FIG4: variants seen among roughly 807,000 people sequenced by gnomAD.
FIG4 encodes polyphosphoinositide phosphatase.
A neutral mutation model predicts 118.6 loss-of-function variants in FIG4; 112 were observed. That is an observed-to-expected ratio of 0.94 (90% CI 0.81 to 1.11). FIG4 has a LOEUF of 1.11. Among genes scored for constraint, FIG4 ranks in the 50% least tolerant of loss-of-function variants. FIG4 has a pLI of 0.00. For missense variants in FIG4, 969 were observed against 1,111.7 expected, an observed-to-expected ratio of 0.87 and a Z score of 1.83; for synonymous variants, 369 against 381.2, an observed-to-expected ratio of 0.97 and a Z score of 0.37.
Position 109,732,647 on chromosome 6 carries a change from A to G in FIG4, c.457A>G (p.Ile153Val). ...THPDEARYLR[I>V]FQNVDLSSNF... ...TTTTTTTTTTTTTAGGTATCTACGA[A>G]TATTTCAAAATGTGGACCTATCTAG... The change falls in exon 5 of 23, where the codon ATA (isoleucine) becomes GTA (valine). Residue 153 changes from isoleucine (I) to valine (V), a missense_variant. Ile to Val is a conservative substitution (Grantham distance 29, BLOSUM62 3). This residue lies in a region of FIG4 where 393 missense variants were observed against 409.4 expected (regional missense o/e 0.96). Transcript: ENST00000230124. 6.7e-7 allele frequency: 1 copy of G among 1,499,730 alleles called. No individual in the cohort carries two copies. Among genetic ancestry groups the G allele is most frequent in the Non-Finnish European group, 9.2e-7 (1 of 1,085,328 alleles). The allele number at this position is 1,499,730 out of a possible 1,614,324, so 92.9% of individuals were successfully genotyped here.
chr6:109,695,804 A>G (rs964674517), intron 1 of FIG4, among the ~76,000 whole-genome samples: 2 of 152,242 alleles, frequency 1.3e-5, no homozygotes, highest in South Asian at 2.1e-4. Context: ...TAAAATTTCT[A>G]TAGAAGGCTC....
intron 22 of FIG4, among the ~76,000 whole-genome samples, chr6:109,821,861 A>G (rs930894505): frequency 2.0e-5 from 3 of 152,202 alleles, no homozygotes; most frequent in African/African-American, 7.2e-5. Context: ...AGATTCTTCA[A>G]CAGATAAATT....
intron 11 of FIG4, among the ~76,000 whole-genome samples, chr6:109,760,986 CT>C (rs1777087553): frequency 6.6e-6 from 1 of 152,156 alleles, no homozygotes; most frequent in Admixed American, 6.5e-5. Context: ...AAGGAACTTA[CT>C]TTTGTTAAAT....
chr6:109,786,372 C>A lies in FIG4; in HGVS notation c.2019C>A (p.Ile673=), dbSNP rs1426359088. The A allele has an allele frequency of 6.2e-7, 1 of 1,613,656 alleles. No homozygotes were observed. The highest frequency in any genetic ancestry group is 1.7e-5 in the Admixed American group (1 of 60,010). The change falls in exon 18 of 23, where the codon ATC becomes ATA. Residue 673 remains isoleucine, a synonymous_variant. Transcript: ENST00000230124. ...ACAAATATGAAGAAGAGATTGATAT[C>A]CACAATGAGTTCTTTCGGCCATATG... ...KFHKYEEEID[I]HNEFFRPYEL...
At chr6:109,728,596 AGTGGTTTTCTGAGCCCTTGTGAT>A (rs1236424163) in intron 4 of FIG4, among the ~76,000 whole-genome samples, 1 of 152,134 alleles carries the variant, frequency 6.6e-6, no homozygotes, top group Non-Finnish European at 1.5e-5. Flanking sequence ...CATCTTAGAC[AGTGGTTTTCTGAGCCCTTGTGAT>A]GTTGCTTTTG....
At chr6:109,691,680 C>T (rs981224405) in intron 1 of FIG4, among the ~76,000 whole-genome samples, 179 bp downstream of exon 1, 2 of 152,174 alleles carry the variant, frequency 1.3e-5, no homozygotes, top group African/African-American at 2.4e-5. Flanking sequence ...GCGCCTTTCC[C>T]CTATTTTGGT....
At chr6:109,726,457 A>G (rs1343935264) in intron 3 of FIG4, among the ~76,000 whole-genome samples, 4 of 152,052 alleles carry the variant, frequency 2.6e-5, no homozygotes, top group Non-Finnish European at 5.9e-5. Context: ...CCATTGGTCT[A>G]TATATCTGTT....
At chr6:109,786,237 T>G in intron 17 of FIG4, 65 bp from the exon 18 acceptor site, 1 of 1,408,450 alleles carries the variant, frequency 7.1e-7, no homozygotes, top group Non-Finnish European at 1.0e-6. Flanking sequence ...ACACAGTTAA[T>G]ATTATGGAAA....
chr6:109,785,881 G>A (rs1366191919), intron 17 of FIG4: 3 of 330,824 alleles, frequency 9.1e-6, no homozygotes, highest in African/African-American at 6.4e-5. Context: ...AAAAGGTTTA[G>A]TTGTTCTGGG....
At position 109,715,174 on chromosome 6, in the gene FIG4, A is replaced by G; in HGVS notation, c.163A>G (p.Arg55Gly). Residue 55 changes from arginine to glycine, a missense_variant and splice_region_variant, in exon 2 of 23, where the codon AGG becomes GGG. This residue lies in a region of FIG4 where 393 missense variants were observed against 409.4 expected (regional missense o/e 0.96). Transcript: ENST00000230124. ...EPKDLVIIDDRHVYTQQEVRE... is the reference protein window; with the variant it reads ...EPKDLVIIDDGHVYTQQEVRE... Reference sequence around the variant, plus strand: ...AAAAGATTTGGTCATAATTGATGACAGGGTAAGTATCCTCCAAACCTGACT... The same window carrying G: ...AAAAGATTTGGTCATAATTGATGACGGGGTAAGTATCCTCCAAACCTGACT... 3 of 1,556,202 alleles carry G rather than the reference A, an allele frequency of 1.9e-6. No homozygotes were observed. Among genetic ancestry groups the G allele is most frequent in the Non-Finnish European group, 2.7e-6 (3 of 1,128,082 alleles).
Position 109,705,366 on chromosome 6 carries a change from G to A in FIG4, c.67-9712G>A, listed in dbSNP as rs556780639. ...AGGGCAGTGCAGGCAGTGATTCCGC[G>A]GTCTACAGTAGGCCAGCTGAAAAGC... On this transcript the variant is annotated intron_variant, in intron 1 of 22. Transcript: ENST00000230124. Among the ~76,000 whole-genome samples the A allele has an allele frequency of 9.2e-5, 14 of 152,240 alleles. No homozygotes were observed. The South Asian group carries it at 1.7e-3, about 18-fold the overall frequency.
chr6:109,723,145 A>G (rs1775662000), intron 3 of FIG4, among the ~76,000 whole-genome samples: 1 of 152,148 alleles, frequency 6.6e-6, no homozygotes, highest in South Asian at 2.1e-4. Context: ...AGAAACTTTT[A>G]ATGTTTTCCT....
chr6:109,767,611 C>T (rs1353534222), intron 15 of FIG4, among the ~76,000 whole-genome samples: 1 of 152,160 alleles, frequency 6.6e-6, no homozygotes, highest in Non-Finnish European at 1.5e-5. Context: ...TGGCTCATGC[C>T]TGTAATCCCA....
chr6:109,752,936 A>T (rs1252788819), intron 10 of FIG4, among the ~76,000 whole-genome samples: 1 of 152,090 alleles, frequency 6.6e-6, no homozygotes. Flanking sequence ...CTGAATGGTA[A>T]TGCCTAGGTT....
At chr6:109,753,444 A>G (rs923810107) in intron 10 of FIG4, among the ~76,000 whole-genome samples, 1 of 151,808 alleles carries the variant, frequency 6.6e-6, no homozygotes, top group Non-Finnish European at 1.5e-5. Flanking sequence ...TTGGTTCCAT[A>G]TGAACTTTAA....
intron 22 of FIG4, among the ~76,000 whole-genome samples, chr6:109,808,894 A>G (rs1325095085): frequency 6.6e-6 from 1 of 152,176 alleles, no homozygotes; most frequent in African/African-American, 2.4e-5. Flanking sequence ...TTTTTGATGT[A>G]TAATCAGATA....
At chr6:109,822,813 A>G (rs201143224) in intron 22 of FIG4, among the ~76,000 whole-genome samples, 6 of 135,078 alleles carry the variant, frequency 4.4e-5, no homozygotes, top group African/African-American at 1.9e-4. Flanking sequence ...ATATATATAT[A>G]TATATATATA....
chr6:109,773,953 C>A (rs1044359907), intron 15 of FIG4, among the ~76,000 whole-genome samples: 1 of 152,062 alleles, frequency 6.6e-6, no homozygotes, highest in African/African-American at 2.4e-5. Flanking sequence ...GGACTATAGG[C>A]GTGTGCCACC....
At chr6:109,765,964 A>G (rs948156670) in intron 14 of FIG4, among the ~76,000 whole-genome samples, 1 of 152,234 alleles carries the variant, frequency 6.6e-6, no homozygotes, top group Non-Finnish European at 1.5e-5. Flanking sequence ...TTTCAAAAGT[A>G]CATATCTAAG....
Sources: allele counts gnomAD v4.1 joint callset (sites outside exome capture counted in the v4.1 genomes callset), GRCh38; gene constraint gnomAD v4.1.1; regional missense constraint gnomAD v4.1.1; transcripts MANE v1.5; gene names NCBI Gene and HGNC (gene_info 2026-07-23, HGNC 2026-07-21).